The following C5 variants were observed in gnomAD, a reference collection of about 807,000 sequenced individuals.
C5 encodes C3 and PZP-like alpha-2-macroglobulin domain-containing protein 4.
In C5, 140 loss-of-function variants were observed where a neutral mutation model predicts 218.8. The ratio of observed to expected loss-of-function variants is 0.64; its 90% CI spans 0.56 to 0.74. The LOEUF (loss-of-function observed/expected upper bound fraction) is 0.74. Ranked by LOEUF, C5 falls within the 30% of genes least tolerant of loss-of-function variation. The pLI, the probability that C5 is intolerant of heterozygous loss-of-function variation, is 0.00. For synonymous variants in C5, 614 were observed against 682.3 expected (o/e 0.90, Z 1.56); for missense variants, 1,700 against 1,969.6 (o/e 0.86, Z 2.59).
At chr9:120,982,529 G>A (rs964555754) in intron 26 of C5, 126 bp downstream of exon 26, 1 of 765,896 alleles carries the variant, frequency 1.3e-6, no homozygotes, top group African/African-American at 1.7e-5. Flanking sequence ...TATTTTGCTT[G>A]TTCACAAAGG....
At chr9:120,956,880 A>G in intron 39 of C5, 1 of 266,784 alleles carries the variant, frequency 3.7e-6, no homozygotes, top group Non-Finnish European at 7.3e-6. Flanking sequence ...AGCCTACTTG[A>G]GGGTAGAGGG....
chr9:120,981,951 C>A lies in C5; in HGVS notation c.3391-12G>T. On this transcript the variant is annotated splice_polypyrimidine_tract_variant and intron_variant, in intron 26 of 40. Coordinates refer to ENST00000223642, the MANE Select transcript of C5 (RefSeq NM_001735.3). ...ACAGGCAAGGTACCCTAAAAAGAAG[C>A]AATGTTTTAAAAGGGGAGTGAAATG... 1.3e-6 allele frequency: 2 copies of A among 1,591,206 alleles called. No individual in the cohort carries two copies. Among genetic ancestry groups the A allele is most frequent in the South Asian group, 1.1e-5 (1 of 90,576 alleles).
intron 12 of C5, among the ~76,000 whole-genome samples, chr9:121,018,231 C>T (rs1369700724): frequency 2.9e-5 from 3 of 102,048 alleles, no homozygotes; most frequent in African/African-American, 8.1e-5. Context: ...CCAGCCTGTG[C>T]AACAGAGCAA....
At chr9:121,027,642 T>C (rs2131789746) in intron 7 of C5, among the ~76,000 whole-genome samples, 1 of 152,342 alleles carries the variant, frequency 6.6e-6, no homozygotes, top group African/African-American at 2.4e-5. Flanking sequence ...GCTAGCCATA[T>C]ATAGAAAGCT....
chr9:120,957,391 G>T (rs1455684382), intron 38 of C5, 23 bp from the exon 39 acceptor site: 1 of 1,567,772 alleles, frequency 6.4e-7, no homozygotes, highest in Non-Finnish European at 8.8e-7. Flanking sequence ...AAACAACAAT[G>T]AAACAATTCA....
At position 120,963,036 on chromosome 9, in the gene C5, G is replaced by A. The variant is rs1324070824; in HGVS notation, c.4324-69C>T. 10 of 1,143,096 alleles carry A rather than the reference G, an allele frequency of 8.7e-6. No homozygotes were observed. The East Asian group carries it at 2.3e-4, about 27-fold the overall frequency. 70.8% of individuals were successfully genotyped at this position (1,143,096 alleles called of 1,614,324 possible). ...TTTTGTTTAAATGCATTCACCTGTT[G>A]ATGAGATAGCACAATGCAGGGATGT... On this transcript the variant is annotated intron_variant, in intron 34 of 40. Coordinates refer to ENST00000223642, the MANE Select transcript of C5 (RefSeq NM_001735.3).
At chr9:120,962,602 G>A in intron 36 of C5, 69 bp downstream of exon 36, 1 of 1,206,532 alleles carries the variant, frequency 8.3e-7, no homozygotes, top group South Asian at 1.2e-5. Flanking sequence ...GGACTCTAGT[G>A]GATTTCTAAA....
chr9:120,969,430 C>T, intron 32 of C5, among the ~76,000 whole-genome samples: 1 of 150,396 alleles, frequency 6.6e-6, no homozygotes, highest in Non-Finnish European at 1.5e-5. Flanking sequence ...AGAACAGATG[C>T]CTTAATTTGC....
At chr9:121,042,938 G>C in intron 3 of C5, 66 bp downstream of exon 3, 1 of 1,319,642 alleles carries the variant, frequency 7.6e-7, no homozygotes, top group Non-Finnish European at 1.1e-6. Flanking sequence ...GTATTAAAAA[G>C]CTCTACAATA....
chr9:121,046,043 ATTATCATTAGT>A (rs1295569741), intron 2 of C5, 137 bp downstream of exon 2: 1 of 419,090 alleles, frequency 2.4e-6, no homozygotes, highest in Non-Finnish European at 4.2e-6. Context: ...TTTCACTTAC[ATTATCATTAGT>A]GACTGACATC....
chr9:120,982,427 T>C (rs919321223), intron 26 of C5, among the ~76,000 whole-genome samples: 1 of 152,212 alleles, frequency 6.6e-6, no homozygotes, highest in African/African-American at 2.4e-5. Context: ...CTCCACCCCG[T>C]TAAACGAGAG....
rs535482648 is a variant in C5, at chr9:120,971,907, T to C, written c.4080+23A>G. On this transcript the variant is annotated intron_variant, in intron 31 of 40. Coordinates refer to ENST00000223642, the MANE Select transcript of C5 (RefSeq NM_001735.3). ...GTACAAATGGACACATAACTCGTTA[T>C]TGGATATCAATTAAATACTTACATG... is the stretch of plus-strand genomic sequence containing the variant. 6.7e-5 allele frequency: 105 copies of C among 1,565,600 alleles called. 1 individual carries two copies. The South Asian group carries it at 9.4e-4, about 14-fold the overall frequency.
intron 25 of C5, among the ~76,000 whole-genome samples, chr9:120,986,870 G>A (rs942639077): frequency 1.3e-5 from 2 of 152,192 alleles, no homozygotes; most frequent in Non-Finnish European, 2.9e-5. Context: ...GCCTCCCAAA[G>A]TGCTAGGATT....
At chr9:121,022,639 C>CA (rs947131841) in intron 10 of C5, among the ~76,000 whole-genome samples, 14 of 147,854 alleles carry the variant, frequency 9.5e-5, no homozygotes, top group Middle Eastern at 3.5e-3. Flanking sequence ...TTTCAAAGAA[C>CA]AAAAAAAAAT....
chr9:120,964,201 G>A (rs753689931), intron 33 of C5, among the ~76,000 whole-genome samples: 6 of 152,244 alleles, frequency 3.9e-5, no homozygotes, highest in African/African-American at 1.2e-4. Context: ...ACTAAGGCAA[G>A]GCACGGTGGC....
rs2046794818 is a variant in C5 at position 120,957,456 on chromosome 9, GA to G, written c.4679-89del. On this transcript the variant is annotated intron_variant, in intron 38 of 40. Coordinates refer to ENST00000223642, the MANE Select transcript of C5 (RefSeq NM_001735.3). ...AGAAGCCAGAATTTGTCAAACACGAGAAATGAAGCATGGCAAACTATTATAG... is the reference window on the plus strand; with the variant it reads ...AGAAGCCAGAATTTGTCAAACACGAGAATGAAGCATGGCAAACTATTATAG... 7.7e-5 allele frequency: 74 copies of G among 965,162 alleles called. No homozygotes were observed. The South Asian group carries it at 9.1e-4, about 12-fold the overall frequency. 59.8% of individuals were successfully genotyped at this position (965,162 alleles called of 1,614,324 possible).
chr9:120,967,088 C>A (rs1197382021), intron 33 of C5, among the ~76,000 whole-genome samples: 1 of 151,764 alleles, frequency 6.6e-6, no homozygotes, highest in African/African-American at 2.4e-5. Flanking sequence ...GCTGAAACCC[C>A]ATCTCTACTA....
chr9:121,031,841 G>A (rs776155121), intron 6 of C5, among the ~76,000 whole-genome samples: 2 of 152,130 alleles, frequency 1.3e-5, no homozygotes, highest in Non-Finnish European at 2.9e-5. Flanking sequence ...CGAGGTGGGT[G>A]GATCACGAGG....
chr9:121,050,290 T>C (rs953815157), upstream of C5: 2 of 1,436,436 alleles, frequency 1.4e-6, no homozygotes, highest in Non-Finnish European at 2.0e-6. Flanking sequence ...CTTTTGAGGA[T>C]AGTCTCCTTT....
Sources: gnomAD v4.1 joint callset for allele counts (sites outside exome capture counted in the v4.1 genomes callset) on GRCh38, gnomAD v4.1.1 for gene constraint, MANE v1.5 for transcripts, NCBI Gene and HGNC (gene_info 2026-07-23, HGNC 2026-07-21) for gene names.